SUSD3: variants seen among roughly 807,000 people sequenced by gnomAD.
SUSD3 encodes sushi domain containing 3, also known as sushi domain-containing protein 3.
In SUSD3, 18 loss-of-function variants were observed where a neutral mutation model predicts 20.6. The ratio of observed to expected loss-of-function variants is 0.87; its 90% CI spans 0.60 to 1.30. The LOEUF (loss-of-function observed/expected upper bound fraction) is 1.30. Ranked by LOEUF, SUSD3 falls within the 50% of genes most tolerant of loss-of-function variation. The probability of loss-of-function intolerance (pLI) is 0.00; values close to 1 mark genes in which losing one functional copy is unlikely to be tolerated. For missense variants in SUSD3, 306 were observed against 346.9 expected, an observed-to-expected ratio of 0.88 and a Z score of 0.94; for synonymous variants, 137 against 141.5, an observed-to-expected ratio of 0.97 and a Z score of 0.23.
chr9:93,059,939 G>A (rs1825441844), intron 1 of SUSD3, among the ~76,000 whole-genome samples: 1 of 152,206 alleles, frequency 6.6e-6, no homozygotes, highest in African/African-American at 2.4e-5. Flanking sequence ...TTTGGTGTTG[G>A]GGTGATGAGC....
At chr9:93,068,575 T>C (rs762851353) in intron 1 of SUSD3, among the ~76,000 whole-genome samples, 29 of 152,248 alleles carry the variant, frequency 1.9e-4, no homozygotes, top group African/African-American at 1.7e-4. Flanking sequence ...ACTCTAGCTT[T>C]GTAATACATT....
intron 1 of SUSD3, among the ~76,000 whole-genome samples, chr9:93,071,195 G>T (rs1408711495): frequency 6.6e-6 from 1 of 152,174 alleles, no homozygotes; most frequent in Non-Finnish European, 1.5e-5. Flanking sequence ...ATATATAAAG[G>T]GGAGTTTATT....
chr9:93,084,995 C>G lies in SUSD3; in HGVS notation c.*248C>G, dbSNP rs1010922287. 1 of 382,206 alleles carries G rather than the reference C, an allele frequency of 2.6e-6. No individual in the cohort carries two copies. Among genetic ancestry groups the G allele is most frequent in the African/African-American group, 2.1e-5 (1 of 48,336 alleles). The allele number at this position is 382,206 out of a possible 1,614,324, so 23.7% of individuals were successfully genotyped here. On this transcript the variant is annotated 3_prime_UTR_variant, in exon 5 of 5. Transcript: ENST00000375472. The stretch of plus-strand genomic sequence containing the variant: ...TTTTATAGTTATGGACTACTTGAAA[C>G]CACTACTGAGGGTAATTTACTAGCT...
At chr9:93,082,305 CTTTCCT>C (rs1564196339) in intron 4 of SUSD3, among the ~76,000 whole-genome samples, 8 of 137,636 alleles carry the variant, frequency 5.8e-5, no homozygotes, top group African/African-American at 1.7e-4. Flanking sequence ...TTTTAGGCCT[CTTTCCT>C]TTTTTTTTTT....
chr9:93,075,746 C>CCCCCCCCCCCCCCCCCCCCCCA, intron 1 of SUSD3, 38 bp from the exon 2 acceptor site: 1 of 185,000 alleles, frequency 5.4e-6, no homozygotes, highest in South Asian at 5.4e-5. Flanking sequence ...GCCCACCCCC[C>CCCCCCCCCCCCCCCCCCCCCCA]CCCCCCCGCC....
intron 4 of SUSD3, 113 bp from the exon 5 acceptor site, chr9:93,084,423 AG>A (rs2119020173): frequency 1.1e-6 from 1 of 943,086 alleles, no homozygotes; most frequent in Non-Finnish European, 1.5e-6. Flanking sequence ...CCCAGTGCTC[AG>A]GGCAGCAGTT....
At chr9:93,065,307 C>T (rs548852059) in intron 1 of SUSD3, among the ~76,000 whole-genome samples, 1 of 152,240 alleles carries the variant, frequency 6.6e-6, no homozygotes, top group African/African-American at 2.4e-5. Flanking sequence ...CCCCTCCAGG[C>T]ATCTCATTAT....
chr9:93,061,624 C>G (rs1364444881), intron 1 of SUSD3, among the ~76,000 whole-genome samples: 1 of 152,262 alleles, frequency 6.6e-6, no homozygotes, highest in Non-Finnish European at 1.5e-5. Flanking sequence ...GGGCAAGTGA[C>G]TTACCTGAAG....
chr9:93,074,029 C>T (rs1271784591), intron 1 of SUSD3, among the ~76,000 whole-genome samples: 1 of 152,164 alleles, frequency 6.6e-6, no homozygotes, highest in Non-Finnish European at 1.5e-5. Flanking sequence ...GATGATGGCA[C>T]ATGTAAGGCA....
intron 1 of SUSD3, 49 bp from the exon 2 acceptor site, chr9:93,075,735 T>TCCCCCC: frequency 3.2e-5 from 8 of 247,426 alleles, no homozygotes; most frequent in South Asian, 7.0e-5. Context: ...CTGCCCTGCG[T>TCCCCCC]GCCCACCCCC....
intron 4 of SUSD3, among the ~76,000 whole-genome samples, chr9:93,081,548 G>A (rs1228644943): frequency 1.3e-5 from 2 of 152,136 alleles, no homozygotes; most frequent in African/African-American, 4.8e-5. Flanking sequence ...AATACTGGCT[G>A]TTACTGTCGT....
chr9:93,085,065 G>T lies in SUSD3; in HGVS notation c.*318G>T. 3.7e-6 allele frequency: 1 copy of T among 272,936 alleles called. No homozygotes were observed. Among genetic ancestry groups the T allele is most frequent in the Non-Finnish European group, 6.8e-6 (1 of 146,280 alleles). 16.9% of individuals were successfully genotyped at this position (272,936 alleles called of 1,614,324 possible). On this transcript the variant is annotated 3_prime_UTR_variant, in exon 5 of 5. Transcript: ENST00000375472. This position sits in a 1 kb window ranked among gnomAD's most constrained non-coding sequence, Gnocchi z 4.3. Reference sequence around the variant, plus strand: ...CATTCCTTTAAAGAGACTGGGAAATGTTTTAAGCAAATCTAGTTTTGTATA... The same window carrying T: ...CATTCCTTTAAAGAGACTGGGAAATTTTTTAAGCAAATCTAGTTTTGTATA...
At chr9:93,074,017 T>C (rs1324195582) in intron 1 of SUSD3, among the ~76,000 whole-genome samples, 2 of 152,210 alleles carry the variant, frequency 1.3e-5, no homozygotes, top group African/African-American at 4.8e-5. Context: ...GCTATGCCGA[T>C]AGATGATGGC....
At chr9:93,074,991 A>G (rs1176474654) in intron 1 of SUSD3, among the ~76,000 whole-genome samples, 1 of 152,192 alleles carries the variant, frequency 6.6e-6, no homozygotes, top group African/African-American at 2.4e-5. Flanking sequence ...CTCTGCAGAA[A>G]GGTTGGATCT....
intron 2 of SUSD3, among the ~76,000 whole-genome samples, chr9:93,076,525 C>A (rs567048924): frequency 6.6e-6 from 1 of 152,126 alleles, no homozygotes; most frequent in Non-Finnish European, 1.5e-5. Flanking sequence ...CTTTTCAGTG[C>A]CCAGCATGAC....
intron 4 of SUSD3, among the ~76,000 whole-genome samples, chr9:93,082,207 A>C (rs1454208687): frequency 6.7e-6 from 1 of 148,830 alleles, no homozygotes; most frequent in Non-Finnish European, 1.5e-5. Context: ...GGCATGAGTC[A>C]TTTTCTGTTT....
chr9:93,073,736 A>G (rs1200902864), intron 1 of SUSD3, among the ~76,000 whole-genome samples: 2 of 152,160 alleles, frequency 1.3e-5, no homozygotes, highest in Admixed American at 1.3e-4. Context: ...GAACAGGGAC[A>G]CACACTGAGG....
chr9:93,075,742 C>A lies in SUSD3; in HGVS notation c.89-42C>A, dbSNP rs760995642. 1.3e-3 allele frequency: 139 copies of A among 104,502 alleles called. 3 individuals carry two copies. The highest frequency in any genetic ancestry group is 2.5e-3 in the South Asian group (27 of 10,778). 6.5% of individuals were successfully genotyped at this position (104,502 alleles called of 1,614,324 possible). A position where few individuals can be genotyped will look rare whatever the true frequency, so the allele number is the denominator to read the frequency against. On this transcript the variant is annotated intron_variant, in intron 1 of 4. Transcript: ENST00000375472. ...GCCCAGCCCTGCCCTGCGTGCCCAC[C>A]CCCCCCCCCCCGCCATGCCTCATAC...
intron 1 of SUSD3, among the ~76,000 whole-genome samples, chr9:93,066,523 T>G (rs1171589605): frequency 6.6e-6 from 1 of 152,058 alleles, no homozygotes; most frequent in African/African-American, 2.4e-5. Context: ...TGAGCCACCG[T>G]GCTCGGCCAA....
Sources: gnomAD v4.1 joint callset for allele counts (sites outside exome capture counted in the v4.1 genomes callset) on GRCh38, gnomAD v4.1.1 for gene constraint, Gnocchi (gnomAD v3.1) non-coding constraint, MANE v1.5 for transcripts, NCBI Gene and HGNC (gene_info 2026-07-23, HGNC 2026-07-21) for gene names.